CENPE: variants seen among roughly 807,000 people sequenced by gnomAD.
The protein encoded by CENPE is centromere-associated protein E.
CENPE carries 145 observed loss-of-function variants against 336.1 expected under a neutral mutation model. That is an observed-to-expected ratio of 0.43 (90% confidence interval 0.38 to 0.50). The LOEUF (loss-of-function observed/expected upper bound fraction) is 0.50, where lower values mean the gene tolerates loss of function less well. Ranked by LOEUF, CENPE falls within the 20% of genes least tolerant of loss-of-function variation. The pLI, the probability that CENPE is intolerant of heterozygous loss-of-function variation, is 0.00. For missense variants in CENPE, 2,719 were observed against 3,023.3 expected (o/e 0.90, Z 2.36); for synonymous variants, 1,013 against 984.8 (o/e 1.03, Z -0.54).
rs777140824 is a variant in CENPE, at chr4:103,194,203, C to A, written c.693+26G>T. 7 of 1,584,034 alleles carry A rather than the reference C, an allele frequency of 4.4e-6. No homozygotes were observed. In the Admixed American group the frequency reaches 1.2e-4, roughly 27 times the overall value. On this transcript the variant is annotated intron_variant, in intron 8 of 48. Coordinates refer to ENST00000265148, the MANE Select transcript of CENPE (RefSeq NM_001813.3). ...AAATTTTGTTTTGGCCCATACAGTA[C>A]ATTATTATGGTTCATTAATACTCAC...
chr4:103,132,981 T>A (rs1033450168), intron 41 of CENPE, 85 bp from the exon 42 acceptor site: 2 of 193,624 alleles, frequency 1.0e-5, no homozygotes, highest in Non-Finnish European at 2.0e-5. Flanking sequence ...TATATATATA[T>A]ATAAAATAAA....
intron 16 of CENPE, among the ~76,000 whole-genome samples, chr4:103,170,972 G>A (rs1309785609): frequency 5.3e-5 from 8 of 152,116 alleles, no homozygotes; most frequent in Non-Finnish European, 1.0e-4. Context: ...GGTCAACTCA[G>A]CAAGAGGTTG....
intron 6 of CENPE, 68 bp downstream of exon 6, chr4:103,194,535 T>C (rs1757598029): frequency 1.4e-6 from 2 of 1,470,936 alleles, no homozygotes; most frequent in East Asian, 4.6e-5. Flanking sequence ...TGATTTGAGG[T>C]CCAAACGTGC....
intron 32 of CENPE, 129 bp downstream of exon 32, chr4:103,144,921 T>G (rs1752883638): frequency 1.2e-6 from 1 of 846,944 alleles, no homozygotes; most frequent in Non-Finnish European, 1.7e-6. Flanking sequence ...AAGCAGTTTT[T>G]GATTCCTCTT....
chr4:103,144,537 C>T lies in CENPE; in HGVS notation c.4939G>A (p.Glu1647Lys), dbSNP rs760301872. 3.7e-6 allele frequency: 6 copies of T among 1,613,366 alleles called. No individual in the cohort carries two copies. Among genetic ancestry groups the T allele is most frequent in the Non-Finnish European group, 5.1e-6 (6 of 1,179,568 alleles). The change falls in exon 33 of 49, where the codon GAA becomes AAA. Residue 1647 changes from glutamate to lysine, a missense_variant. By Grantham distance (56) the Glu-to-Lys change is moderately conservative. Coordinates refer to ENST00000265148, the MANE Select transcript of CENPE (RefSeq NM_001813.3). ...GTCTCAAATTGCTCCTTCAAGTGTT[C>T]TATTTCACACATTTTCTCCTGAGTC... is the stretch of plus-strand genomic sequence containing the variant. Reference protein sequence around the residue: ...NETQEKMCEIEHLKEQFETQK... With the variant: ...NETQEKMCEIKHLKEQFETQK...
chr4:103,136,282 TTCCTTC>T lies in CENPE; in HGVS notation c.6375_6380del (p.Lys2126_Glu2127del). On this transcript the variant is annotated inframe_deletion, in exon 40 of 49. Transcript: ENST00000265148. ...TTGAAAGCTCTTTTTGGAATTCAAT[TTCCTTC>T]TCCAAGTCAAGAGACAATCTATTCA... is the stretch of plus-strand genomic sequence containing the variant. The T allele has an allele frequency of 6.2e-7, 1 of 1,613,510 alleles. No homozygotes were observed. Among genetic ancestry groups the T allele is most frequent in the Non-Finnish European group, 8.5e-7 (1 of 1,179,724 alleles).
intron 41 of CENPE, 41 bp from the exon 42 acceptor site, chr4:103,132,937 A>C: frequency 2.0e-6 from 1 of 490,338 alleles, no homozygotes; most frequent in Non-Finnish European, 3.1e-6. Flanking sequence ...AACATTAGGA[A>C]AGTTTTGATC....
chr4:103,148,224 A>G (rs1248448590), intron 28 of CENPE, among the ~76,000 whole-genome samples: 1 of 152,194 alleles, frequency 6.6e-6, no homozygotes, highest in African/African-American at 2.4e-5. Flanking sequence ...AGTCTGTTTC[A>G]TACTTATTTC....
At chr4:103,121,985 G>A (rs1402722047) in intron 43 of CENPE, among the ~76,000 whole-genome samples, 1 of 151,826 alleles carries the variant, frequency 6.6e-6, no homozygotes, top group Admixed American at 6.6e-5. Context: ...GTCCATTTTT[G>A]CATCAAACTT....
In CENPE at chr4:103,108,808, C is replaced by T. The variant is rs1207320846; in HGVS notation, c.8006G>A (p.Cys2669Tyr). Residue 2669 changes from cysteine to tyrosine, a missense_variant, in exon 48 of 49, where the codon TGT becomes TAT. This residue lies in a region of CENPE where 2,437 missense variants were observed against 2,513.3 expected (regional missense o/e 0.97). Coordinates refer to ENST00000265148, the MANE Select transcript of CENPE (RefSeq NM_001813.3). ...RYFDNSSLGL[C>Y]PEVQNAGAES... ...TAACCAGTATATTTACTTACCTGGA[C>T]AAAGGCCTAAACTTGAGTTATCAAA... 3 of 1,612,714 alleles carry T rather than the reference C, an allele frequency of 1.9e-6. No homozygotes were observed. Among genetic ancestry groups the T allele is most frequent in the Non-Finnish European group, 2.5e-6 (3 of 1,179,380 alleles).
intron 42 of CENPE, among the ~76,000 whole-genome samples, chr4:103,124,774 G>T (rs1750948237): frequency 6.6e-6 from 1 of 152,022 alleles, no homozygotes; most frequent in Non-Finnish European, 1.5e-5. Flanking sequence ...CTTCTTTGTG[G>T]CTTTGTGGTC....
intron 14 of CENPE, 37 bp from the exon 15 acceptor site, chr4:103,176,085 T>A: frequency 1.6e-6 from 2 of 1,282,466 alleles, no homozygotes; most frequent in Non-Finnish European, 2.2e-6. Context: ...TCCATGAACA[T>A]GTTTACCAAA....
intron 21 of CENPE, among the ~76,000 whole-genome samples, chr4:103,159,627 T>C (rs1038366992): frequency 6.6e-6 from 1 of 151,912 alleles, no homozygotes; most frequent in Non-Finnish European, 1.5e-5. Flanking sequence ...TAAAGTGTTT[T>C]CTAACTTTAT....
chr4:103,140,464 C>G (rs1752453104), intron 36 of CENPE, 50 bp from the exon 37 acceptor site: 4 of 1,254,896 alleles, frequency 3.2e-6, no homozygotes, highest in Non-Finnish European at 4.4e-6. Context: ...AGGCACGTTA[C>G]CTTTACTTAA....
At chr4:103,116,334 T>C (rs1750108154) in intron 45 of CENPE, 1 of 234,096 alleles carries the variant, frequency 4.3e-6, no homozygotes, top group Non-Finnish European at 8.2e-6. Flanking sequence ...ATATTCTGTA[T>C]GACTAAGAAG....
chr4:103,113,585 T>A (rs1448472068), intron 46 of CENPE, among the ~76,000 whole-genome samples: 1 of 143,292 alleles, frequency 7.0e-6, no homozygotes. Flanking sequence ...TTTATATTAC[T>A]TATATATTAC....
At chr4:103,189,196 G>C (rs1306805595) in intron 8 of CENPE, among the ~76,000 whole-genome samples, 16 of 152,094 alleles carry the variant, frequency 1.1e-4, no homozygotes, top group Admixed American at 3.9e-4. Flanking sequence ...ATTCACAGCC[G>C]AATTCTACCA....
intron 42 of CENPE, among the ~76,000 whole-genome samples, chr4:103,125,013 A>G (rs1408967738): frequency 6.6e-6 from 1 of 152,206 alleles, no homozygotes; most frequent in Non-Finnish European, 1.5e-5. Context: ...ACAAATTACA[A>G]ATAGACATGA....
chr4:103,137,722 C>G (rs918693092), intron 39 of CENPE, among the ~76,000 whole-genome samples: 1 of 152,156 alleles, frequency 6.6e-6, no homozygotes, highest in Non-Finnish European at 1.5e-5. Flanking sequence ...TTCTCACTAC[C>G]TCTATTGCTC....
Sources: gnomAD v4.1 joint callset for allele counts (sites outside exome capture counted in the v4.1 genomes callset) on GRCh38, gnomAD v4.1.1 for gene constraint, gnomAD v4.1.1 regional missense constraint, MANE v1.5 for transcripts, NCBI Gene and HGNC (gene_info 2026-07-23, HGNC 2026-07-21) for gene names.